Variants in NFKB1 observed in about 807,000 individuals in gnomAD.
NFKB1 encodes nuclear factor NF-kappa-B p105 subunit.
A neutral mutation model predicts 105.1 loss-of-function variants in NFKB1; 9 were observed. That is an observed-to-expected ratio of 0.09 (90% CI 0.05 to 0.15). NFKB1 has a LOEUF of 0.15. Ranked by LOEUF, NFKB1 falls within the 10% of genes least tolerant of loss-of-function variation. The probability of loss-of-function intolerance (pLI) is 1.00; values close to 1 mark genes in which losing one functional copy is unlikely to be tolerated. For missense variants in NFKB1, 830 were observed against 1,203.7 expected (o/e 0.69, Z 4.59); for synonymous variants, 440 against 442.2 (o/e 1.00, Z 0.06).
chr4:102,524,975 C>T (rs766075008), intron 1 of NFKB1, among the ~76,000 whole-genome samples: 14 of 152,260 alleles, frequency 9.2e-5, no homozygotes, highest in East Asian at 5.8e-4. Context: ...GGTTTGGGGA[C>T]GCCTGCACTA....
intron 19 of NFKB1, 82 bp from the exon 20 acceptor site, chr4:102,610,493 C>A: frequency 6.7e-7 from 1 of 1,501,832 alleles, no homozygotes; most frequent in Non-Finnish European, 9.1e-7. Context: ...CATTGCTTTG[C>A]CTTTGGGAAT....
chr4:102,550,135 C>T (rs1722463426), intron 5 of NFKB1, among the ~76,000 whole-genome samples: 1 of 152,008 alleles, frequency 6.6e-6, no homozygotes, highest in Admixed American at 6.6e-5. Context: ...ATTCATTGTA[C>T]TATAAGCCAT....
rs559186673 is a variant in NFKB1 at position 102,612,038 on chromosome 4, C to T, written c.2353-6C>T. 562 of 1,612,584 alleles carry T rather than the reference C, an allele frequency of 3.5e-4. 7 individuals are homozygous for T. The South Asian group carries it at 5.8e-3, about 17-fold the overall frequency. ...TAACGATTTCTGGTGTTTTTCTTTCCAACAGGTATTTGACATATTAAATGG... is the reference window on the plus strand; with the variant it reads ...TAACGATTTCTGGTGTTTTTCTTTCTAACAGGTATTTGACATATTAAATGG... On this transcript the variant is annotated splice_polypyrimidine_tract_variant and splice_region_variant and intron_variant, in intron 20 of 23. Coordinates refer to ENST00000226574, the MANE Select transcript of NFKB1 (RefSeq NM_003998.4).
intron 16 of NFKB1, among the ~76,000 whole-genome samples, chr4:102,605,295 G>A (rs984001901): frequency 3.9e-5 from 6 of 152,060 alleles, no homozygotes; most frequent in Non-Finnish European, 8.8e-5. Context: ...CAAAAAAAAA[G>A]GGTCTTGTAT....
intron 2 of NFKB1, 22 bp downstream of exon 2, chr4:102,525,579 A>G: frequency 1.3e-6 from 2 of 1,595,488 alleles, no homozygotes; most frequent in Non-Finnish European, 8.6e-7. Context: ...AATCTCACTG[A>G]TAACTTTATT....
chr4:102,511,932 G>C (rs918694250), intron 1 of NFKB1, among the ~76,000 whole-genome samples: 2 of 152,062 alleles, frequency 1.3e-5, no homozygotes, highest in East Asian at 3.9e-4. Context: ...ACAACTTTTG[G>C]ATTATATGTA....
In NFKB1 at chr4:102,529,911, A is replaced by G. The variant is rs572127952; in HGVS notation, c.115A>G (p.Thr39Ala). 33 of 1,606,576 alleles carry G rather than the reference A, an allele frequency of 2.1e-5. No individual in the cohort carries two copies. The East Asian group carries it at 5.6e-4, about 27-fold the overall frequency. The change falls in exon 3 of 24, where the codon ACA (threonine) becomes GCA (alanine). Residue 39 changes from threonine to alanine, a missense_variant. Transcript: ENST00000226574. The part of the protein sequence containing the change: ...EVFQPQMALP[T>A]ADGPYLQILE... Reference sequence around the variant, plus strand: ...ATTTCAACCACAGATGGCACTGCCAACAGGTAAGAAAACTCATCCCTGTTA... The same window carrying G: ...ATTTCAACCACAGATGGCACTGCCAGCAGGTAAGAAAACTCATCCCTGTTA...
At chr4:102,613,281 C>T (rs1728604330) in intron 22 of NFKB1, 144 bp from the exon 23 acceptor site, 3 of 761,062 alleles carry the variant, frequency 3.9e-6, no homozygotes, top group Non-Finnish European at 4.2e-6. Flanking sequence ...TTTTCTTAGT[C>T]GCTCTTCTCT....
rs113789881 is a variant in NFKB1 at position 102,605,154 on chromosome 4, A to G, written c.1753-1342A>G. Among the ~76,000 whole-genome samples the G allele has an allele frequency of 7.4e-3, 1,120 of 152,284 alleles. 17 individuals carry two copies. Among genetic ancestry groups the G allele is most frequent in the African/African-American group, 0.026 (1,080 of 41,544 alleles). On this transcript the variant is annotated intron_variant, in intron 16 of 23. Transcript: ENST00000226574. ...TCAGAAAACACAGATTAGTAAACAC[A>G]GTTTCCATTGACTTATTTTTGAGAA...
intron 1 of NFKB1, among the ~76,000 whole-genome samples, chr4:102,521,810 G>T (rs1740591871): frequency 1.3e-5 from 2 of 152,132 alleles, no homozygotes; most frequent in African/African-American, 4.8e-5. Context: ...TAACCCATTA[G>T]GCATTTTATA....
Position 102,601,227 on chromosome 4 carries a change from A to G in NFKB1, c.1752+218A>G, listed in dbSNP as rs1727116619. On this transcript the variant is annotated intron_variant, in intron 16 of 23. Coordinates refer to ENST00000226574, the MANE Select transcript of NFKB1 (RefSeq NM_003998.4). ...ATAACAGCCATCAAGCCACAATGAA[A>G]TTCAGCATCCCGCTGGGGGAAGGCA... Among the ~76,000 whole-genome samples the G allele has an allele frequency of 2.0e-5, 3 of 152,254 alleles. No individual in the cohort carries two copies. In the South Asian group the frequency reaches 6.2e-4, roughly 31 times the overall value.
intron 9 of NFKB1, among the ~76,000 whole-genome samples, chr4:102,581,407 A>T (rs77093674): frequency 3.3e-5 from 5 of 152,196 alleles, no homozygotes; most frequent in Non-Finnish European, 7.3e-5. Flanking sequence ...TTTTAAAAAA[A>T]TTATCATATG....
chr4:102,507,606 T>G (rs1739507036), intron 1 of NFKB1, among the ~76,000 whole-genome samples: 1 of 152,152 alleles, frequency 6.6e-6, no homozygotes, highest in South Asian at 2.1e-4. Context: ...TTGGCCAAGG[T>G]GAACCTTTTT....
intron 6 of NFKB1, among the ~76,000 whole-genome samples, chr4:102,568,972 T>G (rs899427076): frequency 9.2e-5 from 14 of 152,108 alleles, no homozygotes; most frequent in Admixed American, 8.5e-4. Context: ...AGTGAGAAAT[T>G]TAATCAAGAT....
intron 6 of NFKB1, among the ~76,000 whole-genome samples, chr4:102,569,605 T>G (rs1373017291): frequency 6.6e-6 from 1 of 152,090 alleles, no homozygotes; most frequent in Non-Finnish European, 1.5e-5. Flanking sequence ...GAGTATAGAT[T>G]CACAAGCAAG....
At position 102,616,722 on chromosome 4, in the gene NFKB1, A is replaced by T; in HGVS notation, c.*128A>T. 1 of 946,146 alleles carries T rather than the reference A, an allele frequency of 1.1e-6. No homozygotes were observed. The highest frequency in any genetic ancestry group is 1.5e-6 in the Non-Finnish European group (1 of 651,470). 58.6% of individuals were successfully genotyped at this position (946,146 alleles called of 1,614,324 possible). ...GGCCCGCCTGAATCATTCTCGATTT[A>T]ACTCGAGACCTTTTCAACTTGGCTT... On this transcript the variant is annotated 3_prime_UTR_variant, in exon 24 of 24. Coordinates refer to ENST00000226574, the MANE Select transcript of NFKB1 (RefSeq NM_003998.4).
Position 102,578,869 on chromosome 4 carries a change from G to C in NFKB1, c.572-12G>C, listed in dbSNP as rs776750761. Reference sequence around the variant, plus strand: ...TCCCTGGGCATGAATGGACTGTGCTGTATGGCCCTAGATCGGGAAAAAGAG... The same window carrying C: ...TCCCTGGGCATGAATGGACTGTGCTCTATGGCCCTAGATCGGGAAAAAGAG... On this transcript the variant is annotated splice_polypyrimidine_tract_variant and intron_variant, in intron 7 of 23. Transcript: ENST00000226574. The C allele has an allele frequency of 6.2e-7, 1 of 1,613,800 alleles. No homozygotes were observed. Among genetic ancestry groups the C allele is most frequent in the Non-Finnish European group, 8.5e-7 (1 of 1,179,858 alleles).
At chr4:102,539,663 A>G (rs1417060226) in intron 5 of NFKB1, among the ~76,000 whole-genome samples, 1 of 152,182 alleles carries the variant, frequency 6.6e-6, no homozygotes. Context: ...TGGTTTGTAT[A>G]ACATTATCTC....
At chr4:102,597,739 G>C in intron 15 of NFKB1, 78 bp downstream of exon 15, 2 of 1,448,628 alleles carry the variant, frequency 1.4e-6, no homozygotes, top group South Asian at 2.9e-5. Context: ...ACTGACTAGA[G>C]ATAAAAATAA....
Sources: gnomAD v4.1 joint callset for allele counts (sites outside exome capture counted in the v4.1 genomes callset) on GRCh38, gnomAD v4.1.1 for gene constraint, MANE v1.5 for transcripts, NCBI Gene and HGNC (gene_info 2026-07-23, HGNC 2026-07-21) for gene names.